Variants in LOC400499 observed in about 807,000 individuals in gnomAD.
At chr16:11,440,123 G>T in the LOC400499 span, among the ~76,000 whole-genome samples, 1 of 151,996 alleles carries the variant, frequency 6.6e-6, no homozygotes, top group African/African-American at 2.4e-5. Flanking sequence ...ACAGAGATGG[G>T]GACAGTGTCA....
At chr16:11,419,072 G>A in the LOC400499 span, among the ~76,000 whole-genome samples, 385 of 152,144 alleles carry the variant, frequency 2.5e-3, 1 homozygote, top group Non-Finnish European at 4.5e-3. Context: ...AGGCTGAAGC[G>A]GTGGAATCTC....
chr16:11,444,398 C>T, the LOC400499 span, among the ~76,000 whole-genome samples: 1 of 151,928 alleles, frequency 6.6e-6, no homozygotes, highest in Non-Finnish European at 1.5e-5. Context: ...CAAGACCCTG[C>T]CTCAAAAAAG....
the LOC400499 span, among the ~76,000 whole-genome samples, chr16:11,495,434 G>A: frequency 0.21 from 31,855 of 150,686 alleles, 5,883 homozygotes; most frequent in African/African-American, 0.5. Context: ...ATCCTGGAGT[G>A]CAGTGGCCCT....
At chr16:11,379,806 T>C in the LOC400499 span, among the ~76,000 whole-genome samples, 1 of 152,270 alleles carries the variant, frequency 6.6e-6, no homozygotes, top group East Asian at 1.9e-4. Context: ...CATTTGCTTT[T>C]GTGTACGTTC....
chr16:11,514,475 G>C, the LOC400499 span: 1 of 399,480 alleles, frequency 2.5e-6, no homozygotes, highest in Admixed American at 4.4e-5. Context: ...CTCTGTGCAG[G>C]AGGCCTCCCT....
At chr16:11,399,864 G>C in the LOC400499 span, 1 of 398,518 alleles carries the variant, frequency 2.5e-6, no homozygotes, top group Non-Finnish European at 4.4e-6. Flanking sequence ...ACATGTAGGG[G>C]AGAGGAGAGG....
the LOC400499 span, chr16:11,383,995 C>G: frequency 4.1e-6 from 5 of 1,231,816 alleles, no homozygotes; most frequent in Non-Finnish European, 5.1e-6. Flanking sequence ...AGTGGCCCTG[C>G]AGTCACCACC....
chr16:11,444,419 T>A, the LOC400499 span, among the ~76,000 whole-genome samples: 1 of 152,012 alleles, frequency 6.6e-6, no homozygotes, highest in Non-Finnish European at 1.5e-5. Flanking sequence ...ACCCTCTAAG[T>A]CAGGGGTCAG....
the LOC400499 span, chr16:11,417,712 C>T: frequency 1.2e-4 from 49 of 399,128 alleles, no homozygotes; most frequent in Non-Finnish European, 1.5e-4. Context: ...GTGCCAGCTC[C>T]GGCCGGAGAG....
the LOC400499 span, among the ~76,000 whole-genome samples, chr16:11,378,070 A>C: frequency 1.3e-5 from 2 of 151,962 alleles, no homozygotes; most frequent in African/African-American, 4.8e-5. Context: ...TTCTTTTTCT[A>C]ATAACTTAAG....
chr16:11,487,212 C>T, the LOC400499 span: 6 of 398,592 alleles, frequency 1.5e-5, no homozygotes, highest in Non-Finnish European at 2.7e-5. Context: ...ATTTTTTGGC[C>T]CAAGTCTAGG....
chr16:11,519,708 T>C, the LOC400499 span, among the ~76,000 whole-genome samples: 4 of 140,434 alleles, frequency 2.8e-5, no homozygotes, highest in African/African-American at 5.3e-5. Context: ...GTGACTCCAC[T>C]TTTTTTTTTT....
the LOC400499 span, chr16:11,450,502 G>C: frequency 9.0e-7 from 1 of 1,109,476 alleles, no homozygotes; most frequent in Non-Finnish European, 1.3e-6. Context: ...TCACACACCT[G>C]TGAGCTGCTA....
the LOC400499 span, chr16:11,430,897 C>G: frequency 1.0e-5 from 4 of 396,970 alleles, no homozygotes; most frequent in South Asian, 5.7e-4. Context: ...TCATCCATAC[C>G]CCTTTATCTA....
At chr16:11,457,079 T>A in the LOC400499 span, 1 of 1,481,996 alleles carries the variant, frequency 6.7e-7, no homozygotes, top group Non-Finnish European at 8.9e-7. Flanking sequence ...AATGGGATCA[T>A]GCCACCCCTG....
At chr16:11,494,576 T>A in the LOC400499 span, 1 of 254,814 alleles carries the variant, frequency 3.9e-6, no homozygotes, top group Non-Finnish European at 7.6e-6. Flanking sequence ...TGTCCTCACC[T>A]TGTCATCATC....
the LOC400499 span, chr16:11,522,138 A>G: frequency 2.5e-6 from 1 of 398,770 alleles, no homozygotes; most frequent in Non-Finnish European, 4.4e-6. Flanking sequence ...AGAGACAGCA[A>G]TGTCACCTTG....
the LOC400499 span, among the ~76,000 whole-genome samples, chr16:11,431,745 C>G: frequency 6.6e-6 from 1 of 152,144 alleles, no homozygotes; most frequent in Non-Finnish European, 1.5e-5. Context: ...GGTACTCAAC[C>G]AGGTGTGAAA....
At chr16:11,433,914 G>A in the LOC400499 span, among the ~76,000 whole-genome samples, 1 of 152,172 alleles carries the variant, frequency 6.6e-6, no homozygotes, top group Non-Finnish European at 1.5e-5. Flanking sequence ...TATAATCAAT[G>A]AATAAATATA....
Sources: allele counts gnomAD v4.1 joint callset (sites outside exome capture counted in the v4.1 genomes callset), GRCh38; gene constraint gnomAD v4.1.1; transcripts MANE v1.5.